SH3RF3: variants seen among roughly 807,000 people sequenced by gnomAD.
SH3RF3 encodes E3 ubiquitin-protein ligase SH3RF3.
In SH3RF3, 29 loss-of-function variants were observed where a neutral mutation model predicts 66.3. That is an observed-to-expected ratio of 0.44 (90% CI 0.33 to 0.60). The LOEUF (loss-of-function observed/expected upper bound fraction) is 0.60. SH3RF3 is among the 20% of genes least tolerant of loss of function. The pLI is 0.04. For synonymous variants in SH3RF3, 583 were observed against 532.0 expected, an observed-to-expected ratio of 1.10 and a Z score of -1.32; for missense variants, 1,194 against 1,190.9, an observed-to-expected ratio of 1.00 and a Z score of -0.04.
intron 1 of SH3RF3, among the ~76,000 whole-genome samples, chr2:109,267,661 G>A (rs994034178): frequency 2.0e-5 from 3 of 152,198 alleles, no homozygotes; most frequent in Non-Finnish European, 4.4e-5. Context: ...CCACCCCTGA[G>A]GTCTGGGAGG....
In SH3RF3 at chr2:109,249,780, C is replaced by T. The variant is rs1680040117; in HGVS notation, c.574-97894C>T. On this transcript the variant is annotated intron_variant, in intron 1 of 9. Transcript: ENST00000309415. The stretch of plus-strand genomic sequence containing the variant: ...CACGCCATTCTCCTGCCTCAGCCTC[C>T]TGAGTAGCTGGGACTACAGGCGCCC... 2.6e-5 allele frequency among the ~76,000 whole-genome samples: 4 copies of T among 151,870 alleles called. No individual in the cohort carries two copies. In the South Asian group the frequency reaches 8.3e-4, roughly 31 times the overall value.
intron 6 of SH3RF3, among the ~76,000 whole-genome samples, chr2:109,433,364 T>C (rs941324139): frequency 1.3e-5 from 2 of 152,250 alleles, no homozygotes; most frequent in African/African-American, 4.8e-5. Flanking sequence ...AAGTTCTCAG[T>C]TCTACTACTT....
intron 1 of SH3RF3, among the ~76,000 whole-genome samples, chr2:109,257,752 GC>G (rs904278161): frequency 2.0e-5 from 3 of 152,258 alleles, no homozygotes; most frequent in Non-Finnish European, 4.4e-5. Flanking sequence ...AAACCAAGGG[GC>G]CCCAAGTGCA....
At chr2:109,475,309 G>T (rs1217431638) in intron 8 of SH3RF3, among the ~76,000 whole-genome samples, 1 of 152,186 alleles carries the variant, frequency 6.6e-6, no homozygotes, top group East Asian at 1.9e-4. Flanking sequence ...AGGGCTACAG[G>T]ACTATTGTGT....
intron 8 of SH3RF3, among the ~76,000 whole-genome samples, chr2:109,470,624 T>C: frequency 6.6e-6 from 1 of 152,340 alleles, no homozygotes; most frequent in South Asian, 2.1e-4. Flanking sequence ...CCAAGCTCCC[T>C]GGACTGGCTC....
rs569376236 is a variant in SH3RF3, at chr2:109,398,509, T to C, written c.946-81T>C. ...TGCATTGCCAGTTTGTGAATGGAAA[T>C]GTGGCCTGGAGAGTGCAGAGGGCTG... On this transcript the variant is annotated intron_variant, in intron 3 of 9. Transcript: ENST00000309415. 8 of 1,246,912 alleles carry C rather than the reference T, an allele frequency of 6.4e-6. No homozygotes were observed. The African/African-American group carries it at 1.2e-4, about 19-fold the overall frequency. The allele number at this position is 1,246,912 out of a possible 1,614,324, so 77.2% of individuals were successfully genotyped here.
At chr2:109,157,363 T>C (rs1051874484) in intron 1 of SH3RF3, among the ~76,000 whole-genome samples, 1 of 152,228 alleles carries the variant, frequency 6.6e-6, no homozygotes, top group African/African-American at 2.4e-5. Flanking sequence ...TGCATTCGCT[T>C]TATAGACTCC....
At chr2:109,148,365 G>A (rs1677148016) in intron 1 of SH3RF3, among the ~76,000 whole-genome samples, 1 of 152,212 alleles carries the variant, frequency 6.6e-6, no homozygotes, top group African/African-American at 2.4e-5. Flanking sequence ...ATGTCACTAT[G>A]GCAGAGCTCA....
chr2:109,218,943 T>C (rs183151156), intron 1 of SH3RF3, among the ~76,000 whole-genome samples: 2 of 152,272 alleles, frequency 1.3e-5, no homozygotes, highest in East Asian at 3.9e-4. Context: ...GGACCAGGCT[T>C]GTAGAGGGGT....
intron 1 of SH3RF3, among the ~76,000 whole-genome samples, chr2:109,315,547 A>G (rs1681857800): frequency 6.6e-6 from 1 of 152,222 alleles, no homozygotes; most frequent in Non-Finnish European, 1.5e-5. Context: ...TGGTGTAAGC[A>G]AAGGGGACCA....
At chr2:109,318,289 G>A (rs571686988) in intron 1 of SH3RF3, among the ~76,000 whole-genome samples, 2 of 152,004 alleles carry the variant, frequency 1.3e-5, no homozygotes, top group South Asian at 2.1e-4. Flanking sequence ...ATTTCCATGC[G>A]ACTGCTCCTC....
chr2:109,151,104 G>A (rs1271751048), intron 1 of SH3RF3, among the ~76,000 whole-genome samples: 2 of 152,234 alleles, frequency 1.3e-5, no homozygotes, highest in Admixed American at 6.5e-5. Flanking sequence ...TATTTGCCCT[G>A]CATTTGGTGA....
intron 1 of SH3RF3, among the ~76,000 whole-genome samples, chr2:109,160,274 A>G (rs1677459095): frequency 6.6e-6 from 1 of 152,222 alleles, no homozygotes; most frequent in Non-Finnish European, 1.5e-5. Context: ...ACAGACAGGC[A>G]TGAGGTTGCT....
chr2:109,319,408 A>G (rs72822699), intron 1 of SH3RF3, among the ~76,000 whole-genome samples: 10 of 152,320 alleles, frequency 6.6e-5, no homozygotes, highest in Non-Finnish European at 1.5e-4. Context: ...GGGATCACCC[A>G]GGCATCCTTT....
At chr2:109,304,632 T>C (rs546629825) in intron 1 of SH3RF3, among the ~76,000 whole-genome samples, 10 of 152,224 alleles carry the variant, frequency 6.6e-5, no homozygotes, top group Non-Finnish European at 8.8e-5. Flanking sequence ...TATTTGAGTT[T>C]GTATTTAAAT....
intron 3 of SH3RF3, among the ~76,000 whole-genome samples, chr2:109,385,010 C>A (rs1472384499): frequency 2.6e-5 from 4 of 152,248 alleles, no homozygotes; most frequent in Non-Finnish European, 4.4e-5. Flanking sequence ...TGGGTCCACC[C>A]AGCCTCACAC....
intron 1 of SH3RF3, among the ~76,000 whole-genome samples, chr2:109,326,435 C>T (rs779719137): frequency 2.6e-5 from 4 of 152,066 alleles, no homozygotes; most frequent in African/African-American, 7.2e-5. Context: ...GATGGCTTGG[C>T]GATCAGGCAG....
chr2:109,329,112 A>G (rs1046415795), intron 1 of SH3RF3, among the ~76,000 whole-genome samples: 8 of 151,606 alleles, frequency 5.3e-5, no homozygotes, highest in African/African-American at 1.5e-4. Context: ...TTACTCTTTC[A>G]TCTCCAAATG....
intron 3 of SH3RF3, among the ~76,000 whole-genome samples, chr2:109,389,252 G>A (rs1382717598): frequency 7.9e-5 from 12 of 151,726 alleles, no homozygotes; most frequent in African/African-American, 2.9e-4. Flanking sequence ...AGGGGCAAGC[G>A]TGGGCCAGGC....
Sources: gnomAD v4.1 joint callset for allele counts (sites outside exome capture counted in the v4.1 genomes callset) on GRCh38, gnomAD v4.1.1 for gene constraint, MANE v1.5 for transcripts, NCBI Gene and HGNC (gene_info 2026-07-23, HGNC 2026-07-21) for gene names.